The following BACH2 variants were observed in gnomAD, a reference collection of about 807,000 sequenced individuals.
BACH2 encodes BACH transcriptional regulator 2.
BACH2 carries 5 observed loss-of-function variants against 61.8 expected under a neutral mutation model. The ratio of observed to expected loss-of-function variants is 0.08; its 90% CI spans 0.04 to 0.17. BACH2 has a LOEUF of 0.17. Ranked by LOEUF, BACH2 falls within the 10% of genes least tolerant of loss-of-function variation. The pLI, the probability that BACH2 is intolerant of heterozygous loss-of-function variation, is 1.00. For synonymous variants in BACH2, 446 were observed against 440.1 expected (o/e 1.01, Z -0.17); for missense variants, 824 against 1,091.1 (o/e 0.76, Z 3.45).
chr6:90,278,671 C>T (rs1285188551), intron 1 of BACH2, among the ~76,000 whole-genome samples: 1 of 152,106 alleles, frequency 6.6e-6, no homozygotes, highest in Admixed American at 6.6e-5. Context: ...TTTGTGGGTT[C>T]AAGAAAGCAG....
chr6:90,295,418 G>C (rs567482196), intron 1 of BACH2, among the ~76,000 whole-genome samples: 1 of 152,230 alleles, frequency 6.6e-6, no homozygotes, highest in African/African-American at 2.4e-5. Context: ...CAAATGCTTG[G>C]CCAGACCGAG....
rs182252781 is a variant in BACH2 at position 90,201,591 on chromosome 6, A to C, written c.-162+4978T>G. On this transcript the variant is annotated intron_variant, in intron 4 of 8. Coordinates refer to ENST00000257749, the MANE Select transcript of BACH2 (RefSeq NM_021813.4). ...ATAACTCTTTCTCATACATGGGTAA[A>C]TACTGCCCCAGCTTGTCTTTTATCT... is the stretch of plus-strand genomic sequence containing the variant. 1.9e-3 allele frequency among the ~76,000 whole-genome samples: 289 copies of C among 152,308 alleles called. 3 individuals carry two copies. The highest frequency in any genetic ancestry group is 6.5e-3 in the African/African-American group (269 of 41,560).
At chr6:90,164,593 T>G (rs1317499423) in intron 4 of BACH2, among the ~76,000 whole-genome samples, 6 of 152,146 alleles carry the variant, frequency 3.9e-5, no homozygotes, top group African/African-American at 2.4e-5. Context: ...TACCAAAGCC[T>G]GGCAGAGTCA....
At chr6:90,026,190 C>T (rs2127786380) in intron 5 of BACH2, among the ~76,000 whole-genome samples, 1 of 152,272 alleles carries the variant, frequency 6.6e-6, no homozygotes, top group South Asian at 2.1e-4. Flanking sequence ...TCTGTCAAAC[C>T]TAAGACACAG....
At chr6:90,148,008 C>A (rs1784682265) in intron 4 of BACH2, among the ~76,000 whole-genome samples, 1 of 152,162 alleles carries the variant, frequency 6.6e-6, no homozygotes, top group African/African-American at 2.4e-5. Flanking sequence ...GAAAGACACA[C>A]AGATGAAATC....
At chr6:90,211,036 T>C (rs1230743956) in intron 3 of BACH2, among the ~76,000 whole-genome samples, 1 of 139,388 alleles carries the variant, frequency 7.2e-6, no homozygotes, top group Non-Finnish European at 1.5e-5. Flanking sequence ...AGGCCTGTAA[T>C]CCCAGCTACT....
At chr6:90,207,565 G>A (rs1769192847) in intron 3 of BACH2, among the ~76,000 whole-genome samples, 5 of 152,144 alleles carry the variant, frequency 3.3e-5, no homozygotes, top group Admixed American at 6.5e-5. Context: ...TACTCAATTT[G>A]TGTGTTATTT....
intron 1 of BACH2, among the ~76,000 whole-genome samples, chr6:90,277,328 T>C (rs1771724969): frequency 6.6e-6 from 1 of 152,166 alleles, no homozygotes; most frequent in African/African-American, 2.4e-5. Context: ...CCATAGTCAA[T>C]ATGGTGTCAT....
At chr6:90,065,182 T>C (rs1322654445) in intron 5 of BACH2, among the ~76,000 whole-genome samples, 1 of 150,026 alleles carries the variant, frequency 6.7e-6, no homozygotes, top group Non-Finnish European at 1.5e-5. Flanking sequence ...TCTGGACAGG[T>C]TGAATATGAA....
intron 4 of BACH2, among the ~76,000 whole-genome samples, chr6:90,188,533 G>GA (rs893005363): frequency 6.6e-6 from 1 of 151,380 alleles, no homozygotes; most frequent in African/African-American, 2.4e-5. Context: ...AAGAAAAAAA[G>GA]AAAAAAAATA....
chr6:90,250,097 T>A (rs913284270), intron 3 of BACH2, among the ~76,000 whole-genome samples: 1 of 152,210 alleles, frequency 6.6e-6, no homozygotes, highest in African/African-American at 2.4e-5. Flanking sequence ...TAAATACTGA[T>A]CTAGGCCTGA....
At chr6:90,203,333 T>C (rs1183305010) in intron 4 of BACH2, among the ~76,000 whole-genome samples, 2 of 130,688 alleles carry the variant, frequency 1.5e-5, no homozygotes, top group Admixed American at 1.9e-4. Flanking sequence ...ATTGCTTGAG[T>C]CCAGGAGGTT....
At chr6:90,132,951 T>A (rs150431296) in intron 4 of BACH2, among the ~76,000 whole-genome samples, 50 of 152,254 alleles carry the variant, frequency 3.3e-4, no homozygotes, top group African/African-American at 1.2e-3. Context: ...CCACATCTCC[T>A]CCAGGAAGAC....
chr6:89,984,685 G>C lies in BACH2; in HGVS notation c.243+23917C>G, dbSNP rs114087086. ...GAGATTATACAAAACAGACAGGGCT[G>C]GTGGACTGAAAAAGTACTGAATTAT... On this transcript the variant is annotated intron_variant, in intron 6 of 8. Coordinates refer to ENST00000257749, the MANE Select transcript of BACH2 (RefSeq NM_021813.4). Among the ~76,000 whole-genome samples the C allele has an allele frequency of 3.5e-3, 527 of 152,176 alleles. 1 individual carries two copies. Among genetic ancestry groups the C allele is most frequent in the African/African-American group, 0.012 (516 of 41,522 alleles).
rs530906616 is a variant in BACH2, at chr6:90,157,210, AG to A, written c.-162+49358del. Among the ~76,000 whole-genome samples, 36 of 152,382 alleles carry A rather than the reference AG, an allele frequency of 2.4e-4. 1 individual carries two copies. The South Asian group carries it at 7.4e-3, about 32-fold the overall frequency. On this transcript the variant is annotated intron_variant, in intron 4 of 8. Transcript: ENST00000257749. ...TTCCAGGTGTGGGGCATTTAGTGGA[AG>A]GAAACACTTTTCGAAACATATGAGT...
At chr6:90,268,334 T>C (rs1422386530) in intron 2 of BACH2, among the ~76,000 whole-genome samples, 2 of 152,218 alleles carry the variant, frequency 1.3e-5, no homozygotes, top group African/African-American at 2.4e-5. Context: ...ATGCAAGAAA[T>C]GTGAAGGGGA....
At chr6:90,033,372 A>G (rs1461155279) in intron 5 of BACH2, among the ~76,000 whole-genome samples, 1 of 150,220 alleles carries the variant, frequency 6.7e-6, no homozygotes, top group Non-Finnish European at 1.5e-5. Context: ...AAAAAAAAAG[A>G]AAATCAGACC....
At chr6:89,954,298 C>CT (rs56660189) in intron 6 of BACH2, among the ~76,000 whole-genome samples, 13,452 of 143,366 alleles carry the variant, frequency 0.094, 703 homozygotes, top group Non-Finnish European at 0.11. Context: ...CACAGTTTTT[C>CT]TTTTTTTTTT....
chr6:90,153,654 C>A (rs1016273819), intron 4 of BACH2, among the ~76,000 whole-genome samples: 3 of 152,154 alleles, frequency 2.0e-5, no homozygotes, highest in African/African-American at 4.8e-5. Flanking sequence ...CAGGCACATT[C>A]ATGTATTTAT....
Sources: allele counts gnomAD v4.1 joint callset (sites outside exome capture counted in the v4.1 genomes callset), GRCh38; gene constraint gnomAD v4.1.1; transcripts MANE v1.5; gene names NCBI Gene and HGNC (gene_info 2026-07-23, HGNC 2026-07-21).